Variants in ANO1 observed in about 807,000 individuals in gnomAD.
ANO1 encodes anoctamin 1.
In ANO1, 59 loss-of-function variants were observed where a neutral mutation model predicts 124.0. That is an observed-to-expected ratio of 0.48 (90% confidence interval 0.39 to 0.59). The LOEUF is 0.59. Among genes scored for constraint, ANO1 ranks in the 20% least tolerant of loss-of-function variants. The probability of loss-of-function intolerance (pLI) is 0.00; values close to 1 mark genes in which losing one functional copy is unlikely to be tolerated. For synonymous variants in ANO1, 529 were observed against 532.0 expected (o/e 0.99, Z 0.08); for missense variants, 1,059 against 1,328.0 (o/e 0.80, Z 3.15).
chr11:70,098,475 T>A (rs2045110820), intron 2 of ANO1, among the ~76,000 whole-genome samples: 1 of 152,136 alleles, frequency 6.6e-6, no homozygotes, highest in Admixed American at 6.5e-5. Context: ...GGGAGGCCCC[T>A]CTCAGTAGCA....
intron 13 of ANO1, 85 bp from the exon 14 acceptor site, chr11:70,152,971 TG>T: frequency 8.2e-7 from 1 of 1,221,646 alleles, no homozygotes; most frequent in Non-Finnish European, 1.2e-6. Flanking sequence ...GGCTAATACA[TG>T]GACTGATTTG....
upstream of ANO1, among the ~76,000 whole-genome samples, chr11:70,074,487 G>T (rs1393396638): frequency 6.6e-6 from 1 of 152,120 alleles, no homozygotes; most frequent in African/African-American, 2.4e-5. Context: ...TTGAGGGGTG[G>T]GGGTCAGGAG....
At chr11:70,106,138 C>T (rs1267021243) in intron 5 of ANO1, among the ~76,000 whole-genome samples, 6 of 152,180 alleles carry the variant, frequency 3.9e-5, no homozygotes, top group South Asian at 2.1e-4. Context: ...CATCAGGCCA[C>T]GATTCGGGGC....
chr11:70,015,163 A>G (rs1441262519), intron 1 of ANO1: 7 of 152,048 alleles, frequency 4.6e-5, no homozygotes, highest in Non-Finnish European at 1.0e-4. Context: ...CGTTCCATTC[A>G]TGGAGCCATT....
the ANO1 span, among the ~76,000 whole-genome samples, chr11:69,966,627 C>T: frequency 2.1e-4 from 32 of 152,060 alleles, no homozygotes; most frequent in African/African-American, 6.0e-4. Context: ...GGAGACAGCG[C>T]TGGACCCTCT....
intron 16 of ANO1, among the ~76,000 whole-genome samples, chr11:70,159,457 C>T (rs528573185): frequency 7.1e-4 from 108 of 152,334 alleles, no homozygotes; most frequent in Middle Eastern, 6.8e-3. Context: ...GGCTCTTTTC[C>T]CAGCCTTGAC....
chr11:70,019,563 T>TTGTG (rs34116082), intron 1 of ANO1, among the ~76,000 whole-genome samples: 114,425 of 151,612 alleles, frequency 0.75, 43,565 homozygotes, highest in East Asian at 0.94. Flanking sequence ...CCCGAGCCAA[T>TTGTG]TGTATCTTCC....
chr11:70,064,439 T>A (rs1408463958), intron 1 of ANO1: 18 of 152,258 alleles, frequency 1.2e-4, no homozygotes, highest in African/African-American at 4.3e-4. Context: ...TTAGTCCTGT[T>A]TTTGCCCTGA....
At chr11:70,089,719 G>A (rs542420949) in intron 2 of ANO1, among the ~76,000 whole-genome samples, 3 of 152,336 alleles carry the variant, frequency 2.0e-5, no homozygotes, top group East Asian at 1.9e-4. Flanking sequence ...AGCTGCCAGG[G>A]AACAGTGTCC....
chr11:70,185,783 T>G, intron 25 of ANO1, 88 bp downstream of exon 25: 1 of 1,419,700 alleles, frequency 7.0e-7, no homozygotes, highest in South Asian at 1.2e-5. Context: ...CAGGAGCTGC[T>G]AAAGCCAGGG....
rs768603939 is a variant in ANO1 at position 70,105,826 on chromosome 11, A to T, written c.747+38A>T. 11 of 1,603,090 alleles carry T rather than the reference A, an allele frequency of 6.9e-6. No individual in the cohort carries two copies. In the South Asian group the frequency reaches 1.2e-4, roughly 18 times the overall value. On this transcript the variant is annotated intron_variant, in intron 5 of 25. Transcript: ENST00000355303. Reference sequence around the variant, plus strand: ...CGCGCCTGGAAACGGCTCACTGGCAAGATGGCCCTGGGGATCCAGATGATA... The same window carrying T: ...CGCGCCTGGAAACGGCTCACTGGCATGATGGCCCTGGGGATCCAGATGATA...
chr11:70,156,081 T>C (rs1027616268), intron 15 of ANO1, 93 bp downstream of exon 15: 2 of 1,096,466 alleles, frequency 1.8e-6, no homozygotes, highest in Admixed American at 6.6e-5. Context: ...TTGTATATAT[T>C]TTTTTTTAAC....
chr11:69,984,056 C>T (rs1855981696), upstream of ANO1, among the ~76,000 whole-genome samples: 1 of 152,046 alleles, frequency 6.6e-6, no homozygotes. Flanking sequence ...GTTTATAGTT[C>T]ATCATTCCAA....
At chr11:70,013,759 G>A (rs542387034) in intron 1 of ANO1, among the ~76,000 whole-genome samples, 2 of 132,888 alleles carry the variant, frequency 1.5e-5, no homozygotes, top group African/African-American at 2.8e-5. Context: ...CCGAGATCGC[G>A]CCACTGCACT....
At chr11:69,995,093 GTTTTTTTTTTTTTTTT>G (rs1278482378) in intron 1 of ANO1, among the ~76,000 whole-genome samples, 26 of 21,660 alleles carry the variant, frequency 1.2e-3, no homozygotes, top group African/African-American at 2.3e-3. Flanking sequence ...TGCTGGCACT[GTTTTTTTTTTTTTTTT>G]TTTTTTTTGA....
At chr11:70,180,183 C>T (rs942267855) in intron 23 of ANO1, 127 bp downstream of exon 23, 29 of 852,362 alleles carry the variant, frequency 3.4e-5, no homozygotes, top group East Asian at 3.3e-4. Flanking sequence ...CCAGGCTGCC[C>T]GGATTCTCTA....
chr11:70,177,190 C>T (rs2048736232), intron 22 of ANO1, among the ~76,000 whole-genome samples: 1 of 152,228 alleles, frequency 6.6e-6, no homozygotes, highest in Admixed American at 6.5e-5. Context: ...TCAGGAGCCA[C>T]GTCCCTCGGG....
At chr11:70,023,902 CAA>C (rs782468116) in intron 1 of ANO1, among the ~76,000 whole-genome samples, 3 of 152,208 alleles carry the variant, frequency 2.0e-5, no homozygotes, top group Non-Finnish European at 2.9e-5. Context: ...TCAAGTTTAC[CAA>C]AGTCTTGTCG....
chr11:69,974,889 A>T, the ANO1 span, among the ~76,000 whole-genome samples: 1 of 26,378 alleles, frequency 3.8e-5, no homozygotes, highest in Non-Finnish European at 1.5e-4. Flanking sequence ...TCCGTCTCTA[A>T]AAAAAAAAAA....
Sources: allele counts gnomAD v4.1 joint callset (sites outside exome capture counted in the v4.1 genomes callset), GRCh38; gene constraint gnomAD v4.1.1; transcripts MANE v1.5; gene names NCBI Gene and HGNC (gene_info 2026-07-23, HGNC 2026-07-21).